RBFOX1: variants seen among roughly 807,000 people sequenced by gnomAD.
RBFOX1 encodes the protein RNA binding protein fox-1 homolog 1.
In RBFOX1, 8 loss-of-function variants were observed where a neutral mutation model predicts 57.7. That is an observed-to-expected ratio of 0.14 (90% CI 0.08 to 0.25). The LOEUF is 0.25. Among genes scored for constraint, RBFOX1 ranks in the 10% least tolerant of loss-of-function variants. The probability of loss-of-function intolerance (pLI) is 1.00; values close to 1 mark genes in which losing one functional copy is unlikely to be tolerated. For missense variants in RBFOX1, 611 were observed against 548.5 expected, an observed-to-expected ratio of 1.11 and a Z score of -1.14; for synonymous variants, 326 against 222.4, an observed-to-expected ratio of 1.47 and a Z score of -4.15.
intron 2 of RBFOX1, among the ~76,000 whole-genome samples, chr16:6,482,466 C>CA (rs1241435624): frequency 3.9e-5 from 6 of 151,976 alleles, no homozygotes; most frequent in Admixed American, 2.0e-4. Flanking sequence ...ACAACAGCAA[C>CA]AAAAAAAGTG....
At chr16:5,613,410 T>C (rs912636478) in intron 3 of RBFOX1, among the ~76,000 whole-genome samples, 16 of 152,106 alleles carry the variant, frequency 1.1e-4, no homozygotes, top group Admixed American at 4.6e-4. Flanking sequence ...CTGCATCCCA[T>C]ATATGTAGGG....
chr16:7,490,750 A>T (rs1459505303), intron 4 of RBFOX1, among the ~76,000 whole-genome samples: 1 of 152,166 alleles, frequency 6.6e-6, no homozygotes, highest in Non-Finnish European at 1.5e-5. Flanking sequence ...ATTGTTCATT[A>T]TCTTCTAGTC....
chr16:7,153,719 C>T (rs926053040), intron 4 of RBFOX1, among the ~76,000 whole-genome samples: 25 of 77,192 alleles, frequency 3.2e-4, no homozygotes, highest in Non-Finnish European at 4.9e-5. Context: ...GACAGTGAGA[C>T]AGTGTCTCAA....
chr16:7,447,070 C>T (rs1249274437), intron 4 of RBFOX1, among the ~76,000 whole-genome samples: 1 of 151,822 alleles, frequency 6.6e-6, no homozygotes, highest in Non-Finnish European at 1.5e-5. Flanking sequence ...CCTTAGCCTC[C>T]CAAAGTGCTG....
At chr16:7,312,885 G>C (rs76703523) in intron 4 of RBFOX1, among the ~76,000 whole-genome samples, 1 of 149,910 alleles carries the variant, frequency 6.7e-6, no homozygotes, top group Non-Finnish European at 1.5e-5. Context: ...CGTCACCCAG[G>C]AGAGTCTGGG....
At chr16:7,119,600 C>G (rs2066663878) in intron 4 of RBFOX1, among the ~76,000 whole-genome samples, 1 of 151,298 alleles carries the variant, frequency 6.6e-6, no homozygotes, top group South Asian at 2.1e-4. Context: ...AAAAAACCAC[C>G]CAGACATACA....
chr16:5,912,656 C>G (rs925659899), intron 4 of RBFOX1, among the ~76,000 whole-genome samples: 94 of 152,268 alleles, frequency 6.2e-4, no homozygotes, highest in African/African-American at 2.2e-3. Flanking sequence ...TTCCTATTTG[C>G]TTGCTGGGGT....
chr16:7,319,873 G>C (rs192059106), intron 4 of RBFOX1, among the ~76,000 whole-genome samples: 1 of 152,122 alleles, frequency 6.6e-6, no homozygotes, highest in African/African-American at 2.4e-5. Flanking sequence ...GCTATTATGA[G>C]TACCAATACC....
chr16:5,843,377 A>G (rs1315115728), intron 3 of RBFOX1, among the ~76,000 whole-genome samples: 5 of 152,092 alleles, frequency 3.3e-5, no homozygotes, highest in Non-Finnish European at 7.4e-5. Flanking sequence ...ACTTATGAGG[A>G]TATGAGGTAT....
intron 2 of RBFOX1, among the ~76,000 whole-genome samples, chr16:6,532,450 T>C (rs936958509): frequency 2.0e-5 from 3 of 152,182 alleles, no homozygotes; most frequent in African/African-American, 7.2e-5. Flanking sequence ...TTCTTGAATG[T>C]ATGGAGGACC....
chr16:7,428,927 C>G (rs190202419), intron 4 of RBFOX1, among the ~76,000 whole-genome samples: 4 of 151,930 alleles, frequency 2.6e-5, no homozygotes, highest in African/African-American at 9.7e-5. Context: ...ACATGTAGGT[C>G]GTAAAGTACA....
At chr16:6,217,093 T>C (rs1182574479) in intron 1 of RBFOX1, among the ~76,000 whole-genome samples, 4 of 151,906 alleles carry the variant, frequency 2.6e-5, no homozygotes, top group Admixed American at 2.0e-4. Flanking sequence ...GATTAATGGG[T>C]TGGCTAAAAA....
chr16:5,571,808 A>C (rs952085536), intron 2 of RBFOX1, among the ~76,000 whole-genome samples: 1 of 152,072 alleles, frequency 6.6e-6, no homozygotes, highest in Non-Finnish European at 1.5e-5. Context: ...GAGCCCCCTT[A>C]CCTCTTCTTC....
At chr16:7,243,380 C>G (rs931960680) in intron 4 of RBFOX1, among the ~76,000 whole-genome samples, 2 of 152,124 alleles carry the variant, frequency 1.3e-5, no homozygotes, top group African/African-American at 4.8e-5. Context: ...ATCATGGTCA[C>G]TTTGTAAAAT....
intron 2 of RBFOX1, among the ~76,000 whole-genome samples, chr16:5,563,849 C>T (rs2045971249): frequency 6.6e-6 from 1 of 152,190 alleles, no homozygotes; most frequent in South Asian, 2.1e-4. Context: ...TTCTTCTTCC[C>T]ATCTCTAGCT....
At chr16:5,922,682 T>G (rs2058850639) in intron 4 of RBFOX1, among the ~76,000 whole-genome samples, 1 of 152,224 alleles carries the variant, frequency 6.6e-6, no homozygotes, top group African/African-American at 2.4e-5. Flanking sequence ...TATAATTTAT[T>G]TATCTATTCA....
intron 4 of RBFOX1, among the ~76,000 whole-genome samples, chr16:7,432,703 C>T (rs534028166): frequency 6.6e-6 from 1 of 152,196 alleles, no homozygotes; most frequent in Non-Finnish European, 1.5e-5. Context: ...TTGGCTGAAT[C>T]TGGCCTATGG....
At chr16:6,985,852 A>ATTTTTTTTTTTTTTTTTTT (rs137915101) in intron 3 of RBFOX1, among the ~76,000 whole-genome samples, 1 of 135,630 alleles carries the variant, frequency 7.4e-6, no homozygotes, top group Non-Finnish European at 1.6e-5. Flanking sequence ...AAAAAACAGA[A>ATTTTTTTTTTTTTTTTTTT]TTTTTTTTTC....
At chr16:5,712,419 G>T (rs573695031) in intron 3 of RBFOX1, among the ~76,000 whole-genome samples, 1 of 152,196 alleles carries the variant, frequency 6.6e-6, no homozygotes, top group Non-Finnish European at 1.5e-5. Flanking sequence ...GCTGGCACCT[G>T]CCAGGACCAG....
Sources: allele counts gnomAD v4.1 joint callset (sites outside exome capture counted in the v4.1 genomes callset), GRCh38; gene constraint gnomAD v4.1.1; transcripts MANE v1.5; gene names NCBI Gene and HGNC (gene_info 2026-07-23, HGNC 2026-07-21).